The following HELZ variants were observed in gnomAD, a reference collection of about 807,000 sequenced individuals.
The protein encoded by HELZ is ATP-dependent RNA helicase with zinc finger domain.
In HELZ, 23 loss-of-function variants were observed where a neutral mutation model predicts 218.2. The ratio of observed to expected loss-of-function variants is 0.11; its 90% CI spans 0.08 to 0.15. The LOEUF (loss-of-function observed/expected upper bound fraction) is 0.15, where lower values mean the gene tolerates loss of function less well. HELZ is among the 10% of genes least tolerant of loss of function. The pLI, the probability that HELZ is intolerant of heterozygous loss-of-function variation, is 1.00. For synonymous variants in HELZ, 814 were observed against 829.4 expected, an observed-to-expected ratio of 0.98 and a Z score of 0.32; for missense variants, 1,813 against 2,353.7, an observed-to-expected ratio of 0.77 and a Z score of 4.75.
chr17:67,212,369 G>T (rs1370886484), intron 5 of HELZ, among the ~76,000 whole-genome samples: 1 of 110,032 alleles, frequency 9.1e-6, no homozygotes, highest in Non-Finnish European at 1.9e-5. Context: ...AACATAAGAA[G>T]TCCACGGTCT....
chr17:67,157,946 C>T (rs55717719), intron 17 of HELZ, among the ~76,000 whole-genome samples: 29,749 of 152,042 alleles, frequency 0.2, 3,016 homozygotes, highest in African/African-American at 0.26. Flanking sequence ...GAGAACCACA[C>T]ACAAAAATAT....
intron 13 of HELZ, among the ~76,000 whole-genome samples, chr17:67,176,981 CT>C (rs113989752): frequency 0.29 from 41,179 of 142,636 alleles, 7,154 homozygotes; most frequent in African/African-American, 0.54. Context: ...TTCAGTTTCT[CT>C]TTTTTTTTTT....
chr17:67,084,587 C>T (rs995782480), intron 32 of HELZ, among the ~76,000 whole-genome samples: 21 of 151,326 alleles, frequency 1.4e-4, no homozygotes, highest in South Asian at 6.2e-4. Context: ...GACGTGAACC[C>T]GGGAGGCGGA....
At chr17:67,211,126 C>T (rs1394222778) in intron 5 of HELZ, among the ~76,000 whole-genome samples, 1 of 152,054 alleles carries the variant, frequency 6.6e-6, no homozygotes, top group African/African-American at 2.4e-5. Flanking sequence ...CAGGAACTTA[C>T]AAAGGTGCCC....
At chr17:67,089,348 T>C (rs995371871) in intron 31 of HELZ, among the ~76,000 whole-genome samples, 1 of 151,850 alleles carries the variant, frequency 6.6e-6, no homozygotes, top group African/African-American at 2.4e-5. Flanking sequence ...AAACGAAAAC[T>C]CAGAAAGAAA....
At chr17:67,101,300 T>C (rs1210245029) in intron 31 of HELZ, among the ~76,000 whole-genome samples, 1 of 152,038 alleles carries the variant, frequency 6.6e-6, no homozygotes, top group Non-Finnish European at 1.5e-5. Context: ...AAAGAGTTCA[T>C]AAAGTTATTT....
chr17:67,154,396 T>A (rs1242530898), intron 17 of HELZ, among the ~76,000 whole-genome samples: 1 of 152,188 alleles, frequency 6.6e-6, no homozygotes, highest in Non-Finnish European at 1.5e-5. Flanking sequence ...ACCACTGCAC[T>A]CCAGCCTGGG....
At chr17:67,215,742 C>T (rs1292554068) in intron 5 of HELZ, 157 bp downstream of exon 5, 4 of 663,676 alleles carry the variant, frequency 6.0e-6, no homozygotes, top group African/African-American at 1.8e-5. Context: ...CAGGTATGCC[C>T]AGCTCAGTGG....
intron 13 of HELZ, among the ~76,000 whole-genome samples, chr17:67,172,846 C>T (rs1394128341): frequency 6.6e-6 from 1 of 152,148 alleles, no homozygotes; most frequent in East Asian, 1.9e-4. Flanking sequence ...GCTCAAAAGA[C>T]CTGCCCACCT....
chr17:67,150,993 A>C (rs2038664760), intron 18 of HELZ, 53 bp downstream of exon 18: 1 of 1,522,516 alleles, frequency 6.6e-7, no homozygotes, highest in African/African-American at 1.4e-5. Context: ...ATCCCAGTCT[A>C]AACTGAATTC....
At chr17:67,167,965 G>A (rs1452674458) in intron 13 of HELZ, among the ~76,000 whole-genome samples, 169 bp from the exon 14 acceptor site, 1 of 150,270 alleles carries the variant, frequency 6.7e-6, no homozygotes, top group African/African-American at 2.5e-5. Flanking sequence ...ATACAAGCTG[G>A]AAACAACAAA....
chr17:67,173,534 CTT>C (rs759781327), intron 13 of HELZ, among the ~76,000 whole-genome samples: 34 of 152,314 alleles, frequency 2.2e-4, no homozygotes, highest in Non-Finnish European at 4.7e-4. Flanking sequence ...AATTCCATCT[CTT>C]GAGTGCAACT....
chr17:67,175,802 T>C (rs1426511917), intron 13 of HELZ, among the ~76,000 whole-genome samples: 1 of 152,218 alleles, frequency 6.6e-6, no homozygotes, highest in Non-Finnish European at 1.5e-5. Context: ...AATTATCAGT[T>C]ATATCTTGAA....
chr17:67,212,675 T>C (rs1299643467), intron 5 of HELZ, among the ~76,000 whole-genome samples: 1 of 152,210 alleles, frequency 6.6e-6, no homozygotes, highest in Non-Finnish European at 1.5e-5. Flanking sequence ...TGACCATTTT[T>C]CAAGCTCTTA....
At chr17:67,080,236 T>C (rs368885118) in intron 32 of HELZ, among the ~76,000 whole-genome samples, 7 of 152,368 alleles carry the variant, frequency 4.6e-5, no homozygotes, top group African/African-American at 1.7e-4. Context: ...CCTTCTATAC[T>C]GATCATACTT....
intron 12 of HELZ, among the ~76,000 whole-genome samples, chr17:67,183,702 A>G (rs2144255512): frequency 6.6e-6 from 1 of 152,330 alleles, no homozygotes; most frequent in East Asian, 1.9e-4. Flanking sequence ...GGTATAAACC[A>G]TAAGAATGCA....
At chr17:67,153,250 G>A (rs898920440) in intron 17 of HELZ, among the ~76,000 whole-genome samples, 2 of 152,082 alleles carry the variant, frequency 1.3e-5, no homozygotes, top group Non-Finnish European at 2.9e-5. Context: ...AAGTATGCAG[G>A]AAAGAAGAAG....
In HELZ at chr17:67,117,057, G is replaced by A. The variant is rs1326721216; in HGVS notation, c.3839-2654C>T. Among the ~76,000 whole-genome samples, 3 of 152,058 alleles carry A rather than the reference G, an allele frequency of 2.0e-5. No homozygotes were observed. The East Asian group carries it at 5.8e-4, about 29-fold the overall frequency. On this transcript the variant is annotated intron_variant, in intron 27 of 32. Transcript: ENST00000358691. ...TTTTAATAGAGATAGGTTTCACCATGTTAGCCAGGCTGGTCTCAAACTCCT... is the reference window on the plus strand; with the variant it reads ...TTTTAATAGAGATAGGTTTCACCATATTAGCCAGGCTGGTCTCAAACTCCT...
intron 2 of HELZ, among the ~76,000 whole-genome samples, chr17:67,243,179 C>G (rs748218440): frequency 1.1e-4 from 16 of 152,078 alleles, no homozygotes; most frequent in Non-Finnish European, 1.9e-4. Context: ...ATTCACACAC[C>G]GTGTGTGATC....
Sources: allele counts gnomAD v4.1 joint callset (sites outside exome capture counted in the v4.1 genomes callset), GRCh38; gene constraint gnomAD v4.1.1; transcripts MANE v1.5; gene names NCBI Gene and HGNC (gene_info 2026-07-23, HGNC 2026-07-21).